Variants in NT5DC1 observed in about 807,000 individuals in gnomAD.
The protein encoded by NT5DC1 is 5'-nucleotidase domain-containing protein 1.
NT5DC1 carries 42 observed loss-of-function variants against 59.4 expected under a neutral mutation model. The observed-to-expected ratio is 0.71, with a 90% CI of 0.55 to 0.92. The LOEUF is 0.92. Among genes scored for constraint, NT5DC1 ranks in the 40% least tolerant of loss-of-function variants. NT5DC1 has a pLI of 0.00. For synonymous variants in NT5DC1, 172 were observed against 188.1 expected (o/e 0.91, Z 0.70); for missense variants, 501 against 537.1 (o/e 0.93, Z 0.66).
chr6:116,216,521 A>G (rs901766353), intron 6 of NT5DC1, among the ~76,000 whole-genome samples: 3 of 151,962 alleles, frequency 2.0e-5, no homozygotes, highest in South Asian at 2.1e-4. Flanking sequence ...TAAATTTTGT[A>G]TATTATGTTT....
At chr6:116,121,166 C>T (rs1431097270) in intron 6 of NT5DC1, 1 of 1,613,120 alleles carries the variant, frequency 6.2e-7, no homozygotes, top group South Asian at 1.1e-5. Flanking sequence ...ACCTGGACCC[C>T]CAGGAAGGCC....
intron 6 of NT5DC1, chr6:116,121,124 G>A (rs1399184495): frequency 6.2e-7 from 1 of 1,613,576 alleles, no homozygotes; most frequent in African/African-American, 1.3e-5. Context: ...TGGCTTCCCA[G>A]GAAGACCTGC....
chr6:116,101,313 T>C (rs1380002113), intron 1 of NT5DC1, among the ~76,000 whole-genome samples: 1 of 152,048 alleles, frequency 6.6e-6, no homozygotes, highest in African/African-American at 2.4e-5. Flanking sequence ...GAATCGGTGA[T>C]TTCTAGGGCC....
In NT5DC1 at chr6:116,246,789, A is replaced by G. The variant is rs985974737; in HGVS notation, c.*2765A>G. ...GGGCATACCAAGTAATTCACCCAGT[A>G]TGGTCTTATTGCCACCCTTGAAAAT... On this transcript the variant is annotated 3_prime_UTR_variant, in exon 12 of 12. Coordinates refer to ENST00000319550, the MANE Select transcript of NT5DC1 (RefSeq NM_152729.3). 1.3e-5 allele frequency: 2 copies of G among 152,200 alleles called. No individual in the cohort carries two copies. The highest frequency in any genetic ancestry group is 1.3e-4 in the Admixed American group (2 of 15,268). 9.4% of individuals were successfully genotyped at this position (152,200 alleles called of 1,614,324 possible).
intron 6 of NT5DC1, among the ~76,000 whole-genome samples, chr6:116,196,615 G>A (rs1209221666): frequency 6.6e-6 from 1 of 152,036 alleles, no homozygotes; most frequent in Non-Finnish European, 1.5e-5. Flanking sequence ...GAGGTCAGGG[G>A]AACAGGAGGA....
In NT5DC1 at chr6:116,170,693, G is replaced by A. The variant is rs191735550; in HGVS notation, c.530-50361G>A. On this transcript the variant is annotated intron_variant, in intron 6 of 11. Coordinates refer to ENST00000319550, the MANE Select transcript of NT5DC1 (RefSeq NM_152729.3). ...CATAGCATACATAGCCCTGGCTGTT[G>A]CTGTACCTCCCTACCCCAAAATTCA... Among the ~76,000 whole-genome samples the A allele has an allele frequency of 3.4e-3, 520 of 152,308 alleles. 15 individuals carry two copies. In the South Asian group the frequency reaches 0.046, roughly 14 times the overall value.
intron 6 of NT5DC1, among the ~76,000 whole-genome samples, chr6:116,170,704 C>G (rs1207445855): frequency 6.6e-6 from 1 of 152,166 alleles, no homozygotes; most frequent in Non-Finnish European, 1.5e-5. Flanking sequence ...CTGTACCTCC[C>G]TACCCCAAAA....
At chr6:116,191,607 A>G (rs975407928) in intron 6 of NT5DC1, among the ~76,000 whole-genome samples, 2 of 152,092 alleles carry the variant, frequency 1.3e-5, no homozygotes, top group Non-Finnish European at 2.9e-5. Context: ...GATACCACCA[A>G]TTATATGAAA....
intron 6 of NT5DC1, among the ~76,000 whole-genome samples, chr6:116,150,434 G>A (rs145852023): frequency 0.017 from 2,510 of 152,030 alleles, 39 homozygotes; most frequent in Middle Eastern, 0.034. Context: ...ACAGGTGCCC[G>A]CCACCACACC....
intron 6 of NT5DC1, among the ~76,000 whole-genome samples, chr6:116,177,663 T>A (rs1169453244): frequency 6.6e-6 from 1 of 152,164 alleles, no homozygotes; most frequent in Non-Finnish European, 1.5e-5. Flanking sequence ...TAAAAATTCG[T>A]GGATATAAGA....
chr6:116,120,430 G>T, intron 6 of NT5DC1: 1 of 1,614,232 alleles, frequency 6.2e-7, no homozygotes, highest in Non-Finnish European at 8.5e-7. Flanking sequence ...CTATTGCTGG[G>T]TAAGCTTTGG....
chr6:116,200,350 A>G (rs965188016), intron 6 of NT5DC1, among the ~76,000 whole-genome samples: 8 of 152,050 alleles, frequency 5.3e-5, no homozygotes, highest in African/African-American at 1.9e-4. Flanking sequence ...CTGGCACAGA[A>G]AAGAGACATT....
intron 3 of NT5DC1, among the ~76,000 whole-genome samples, chr6:116,110,568 A>G (rs1778854162): frequency 6.6e-6 from 1 of 152,170 alleles, no homozygotes; most frequent in Non-Finnish European, 1.5e-5. Flanking sequence ...GTGTAGTTAA[A>G]CGACAACTTC....
chr6:116,167,840 A>G (rs993889811), intron 6 of NT5DC1, among the ~76,000 whole-genome samples: 1 of 152,204 alleles, frequency 6.6e-6, no homozygotes, highest in Non-Finnish European at 1.5e-5. Flanking sequence ...CTAAACAATC[A>G]TATCTGTGTA....
At chr6:116,208,243 G>T (rs1286258357) in intron 6 of NT5DC1, among the ~76,000 whole-genome samples, 2 of 151,970 alleles carry the variant, frequency 1.3e-5, no homozygotes, top group Non-Finnish European at 2.9e-5. Context: ...GCTTTGCCCG[G>T]AGGCATCCCA....
At chr6:116,208,861 C>G (rs764941121) in intron 6 of NT5DC1, among the ~76,000 whole-genome samples, 18 of 152,008 alleles carry the variant, frequency 1.2e-4, no homozygotes, top group Middle Eastern at 3.2e-3. Flanking sequence ...AGAGACCCAT[C>G]ATCTGGCTCA....
chr6:116,206,437 C>T (rs1281489236), intron 6 of NT5DC1, among the ~76,000 whole-genome samples: 1 of 151,960 alleles, frequency 6.6e-6, no homozygotes, highest in Non-Finnish European at 1.5e-5. Flanking sequence ...AAGGAAATTG[C>T]ACAACTAAGA....
chr6:116,241,651 C>A (rs886710620), intron 11 of NT5DC1, among the ~76,000 whole-genome samples: 1 of 151,918 alleles, frequency 6.6e-6, no homozygotes, highest in African/African-American at 2.4e-5. Flanking sequence ...CGGCCGGGTG[C>A]GGTGGCTCAC....
Position 116,117,851 on chromosome 6 carries a change from A to AT in NT5DC1, c.445-4dup. ...TATTGTGTTTGTTTCATTTGGAATTATTTTTTCAGCTGAACAATGGTCAAA... is the reference window on the plus strand; with the variant it reads ...TATTGTGTTTGTTTCATTTGGAATTATTTTTTTCAGCTGAACAATGGTCAAA... On this transcript the variant is annotated splice_polypyrimidine_tract_variant and intron_variant, in intron 5 of 11. Transcript: ENST00000319550. The AT allele has an allele frequency of 6.8e-7, 1 of 1,481,334 alleles. No individual in the cohort carries two copies. 91.8% of individuals were successfully genotyped at this position (1,481,334 alleles called of 1,614,324 possible).
Sources: allele counts gnomAD v4.1 joint callset (sites outside exome capture counted in the v4.1 genomes callset), GRCh38; gene constraint gnomAD v4.1.1; transcripts MANE v1.5; gene names NCBI Gene and HGNC (gene_info 2026-07-23, HGNC 2026-07-21).